The following CLYBL variants were observed in gnomAD, a reference collection of about 807,000 sequenced individuals.
CLYBL encodes citramalyl-CoA lyase, mitochondrial.
A neutral mutation model predicts 38.9 loss-of-function variants in CLYBL; 31 were observed. The observed-to-expected ratio is 0.80, with a 90% CI of 0.60 to 1.08. The LOEUF (loss-of-function observed/expected upper bound fraction) is 1.08, where lower values mean the gene tolerates loss of function less well. Ranked by LOEUF, CLYBL falls within the 50% of genes least tolerant of loss-of-function variation. The pLI, the probability that CLYBL is intolerant of heterozygous loss-of-function variation, is 0.00. For synonymous variants in CLYBL, 171 were observed against 158.6 expected, an observed-to-expected ratio of 1.08 and a Z score of -0.59; for missense variants, 434 against 411.6, an observed-to-expected ratio of 1.05 and a Z score of -0.47.
At chr13:99,886,472 C>T (rs867072495) in intron 7 of CLYBL, among the ~76,000 whole-genome samples, 1 of 152,262 alleles carries the variant, frequency 6.6e-6, no homozygotes, top group South Asian at 2.1e-4. Flanking sequence ...GTGACTGTTT[C>T]CTTCCTACGC....
intron 2 of CLYBL, among the ~76,000 whole-genome samples, chr13:99,784,907 C>T (rs1205225596): frequency 2.0e-5 from 3 of 151,854 alleles, no homozygotes; most frequent in Non-Finnish European, 2.9e-5. Context: ...TTTGATTTTC[C>T]GAGACAAGAG....
chr13:99,704,162 CTGAA>C (rs1420456781), intron 1 of CLYBL, among the ~76,000 whole-genome samples: 1 of 152,226 alleles, frequency 6.6e-6, no homozygotes, highest in Non-Finnish European at 1.5e-5. Flanking sequence ...GGTTGTCACT[CTGAA>C]TGAGTGTTGT....
intron 1 of CLYBL, among the ~76,000 whole-genome samples, chr13:99,645,658 A>T (rs2047166758): frequency 6.6e-6 from 1 of 151,994 alleles, no homozygotes. Context: ...TCTTTTGCCC[A>T]GTTTTTAAAT....
chr13:99,789,352 T>C (rs2049867714), intron 2 of CLYBL, among the ~76,000 whole-genome samples: 1 of 152,252 alleles, frequency 6.6e-6, no homozygotes, highest in African/African-American at 2.4e-5. Context: ...TAAATTTCCC[T>C]CTACACACTA....
intron 1 of CLYBL, among the ~76,000 whole-genome samples, chr13:99,631,637 C>T (rs905638961): frequency 5.3e-5 from 8 of 151,606 alleles, no homozygotes; most frequent in East Asian, 1.9e-4. Context: ...CTCGCTCAGT[C>T]GCCCAGGCTG....
intron 2 of CLYBL, among the ~76,000 whole-genome samples, chr13:99,797,618 T>C (rs2050050317): frequency 8.2e-6 from 1 of 121,530 alleles, no homozygotes. Flanking sequence ...AGCTGAGCTC[T>C]TGGAGGACCA....
chr13:99,646,068 T>G (rs1030086217), intron 1 of CLYBL, among the ~76,000 whole-genome samples: 2 of 152,202 alleles, frequency 1.3e-5, no homozygotes, highest in Non-Finnish European at 2.9e-5. Flanking sequence ...ACTGTGGGGT[T>G]CAGTGGGCTT....
chr13:99,656,772 A>C (rs533793643), intron 1 of CLYBL, among the ~76,000 whole-genome samples: 44 of 152,336 alleles, frequency 2.9e-4, no homozygotes, highest in South Asian at 6.2e-4. Flanking sequence ...AGATACTTAA[A>C]ATTAATGAGT....
chr13:99,672,998 G>A (rs1322811740), intron 1 of CLYBL, among the ~76,000 whole-genome samples: 2 of 152,094 alleles, frequency 1.3e-5, no homozygotes, highest in East Asian at 1.9e-4. Flanking sequence ...ATCCATCCAT[G>A]AACAGAACCA....
chr13:99,733,014 G>T (rs1172992690), intron 1 of CLYBL, among the ~76,000 whole-genome samples: 1 of 152,146 alleles, frequency 6.6e-6, no homozygotes, highest in Non-Finnish European at 1.5e-5. Context: ...CTAATTTGAA[G>T]GTAATTGGCT....
chr13:99,847,886 A>G (rs574017803), intron 2 of CLYBL, among the ~76,000 whole-genome samples: 35 of 152,256 alleles, frequency 2.3e-4, no homozygotes, highest in Middle Eastern at 3.4e-3. Flanking sequence ...TTTCTCCCCA[A>G]TGGAACGGAG....
At chr13:99,900,447 C>G (rs2052629024), downstream of CLYBL, among the ~76,000 whole-genome samples, 1 of 152,114 alleles carries the variant, frequency 6.6e-6, no homozygotes, top group Non-Finnish European at 1.5e-5. Flanking sequence ...ACTGTAAACT[C>G]TTATCTGATC....
chr13:99,873,039 A>T (rs1566362569), intron 7 of CLYBL, among the ~76,000 whole-genome samples: 2 of 152,076 alleles, frequency 1.3e-5, no homozygotes, highest in Non-Finnish European at 2.9e-5. Context: ...AACCATAGAA[A>T]TTAGAGCAGA....
chr13:99,766,757 A>G, intron 1 of CLYBL, among the ~76,000 whole-genome samples: 1 of 152,094 alleles, frequency 6.6e-6, no homozygotes, highest in Non-Finnish European at 1.5e-5. Flanking sequence ...AGCTCTTAGT[A>G]AACTATCAGA....
chr13:99,808,911 T>C (rs2050284765), intron 2 of CLYBL, among the ~76,000 whole-genome samples: 1 of 152,230 alleles, frequency 6.6e-6, no homozygotes, highest in Admixed American at 6.5e-5. Flanking sequence ...TGCTGACTTA[T>C]TTGTGGGTTT....
chr13:99,735,673 CTG>C (rs1200814731), intron 1 of CLYBL, among the ~76,000 whole-genome samples: 1 of 152,066 alleles, frequency 6.6e-6, no homozygotes, highest in Non-Finnish European at 1.5e-5. Flanking sequence ...TAAAATAAAC[CTG>C]TGTTTCCATA....
At chr13:99,851,367 CAAAAAAAA>C (rs35539387) in intron 2 of CLYBL, among the ~76,000 whole-genome samples, 2 of 63,100 alleles carry the variant, frequency 3.2e-5, no homozygotes, top group South Asian at 6.4e-4. Flanking sequence ...AAGTCCACCT[CAAAAAAAA>C]AAAAAAAAAA....
chr13:99,622,935 G>C (rs958897953), intron 1 of CLYBL, among the ~76,000 whole-genome samples: 1 of 152,142 alleles, frequency 6.6e-6, no homozygotes, highest in African/African-American at 2.4e-5. Flanking sequence ...GGGCTTGAGT[G>C]ATTCCCCCTG....
chr13:99,822,821 C>G (rs573751164), intron 2 of CLYBL, among the ~76,000 whole-genome samples: 1 of 152,140 alleles, frequency 6.6e-6, no homozygotes, highest in Admixed American at 6.5e-5. Context: ...TCTTTCTAGA[C>G]GAAACTACTT....
Sources: allele counts gnomAD v4.1 joint callset (sites outside exome capture counted in the v4.1 genomes callset), GRCh38; gene constraint gnomAD v4.1.1; transcripts MANE v1.5; gene names NCBI Gene and HGNC (gene_info 2026-07-23, HGNC 2026-07-21).